AMPH: variants seen among roughly 807,000 people sequenced by gnomAD.
AMPH encodes the protein amphiphysin (Stiff-Mann syndrome with breast cancer 128kD autoantigen).
A neutral mutation model predicts 99.1 loss-of-function variants in AMPH; 49 were observed. The ratio of observed to expected loss-of-function variants is 0.49; its 90% CI spans 0.39 to 0.63. AMPH has a LOEUF of 0.63. Among genes scored for constraint, AMPH ranks in the 20% least tolerant of loss-of-function variants. The pLI is 0.00. For synonymous variants in AMPH, 314 were observed against 317.3 expected, an observed-to-expected ratio of 0.99 and a Z score of 0.11; for missense variants, 759 against 863.4, an observed-to-expected ratio of 0.88 and a Z score of 1.52.
intron 1 of AMPH, among the ~76,000 whole-genome samples, chr7:38,617,004 T>C (rs556703319): frequency 3.3e-5 from 5 of 152,366 alleles, no homozygotes; most frequent in South Asian, 2.1e-4. Flanking sequence ...TAGATGTAGA[T>C]ATAGATTTTG....
intron 1 of AMPH, among the ~76,000 whole-genome samples, chr7:38,615,848 C>A (rs1211813540): frequency 6.6e-6 from 1 of 152,176 alleles, no homozygotes; most frequent in African/African-American, 2.4e-5. Context: ...GGTTCTGTAG[C>A]AAGGGCTGGG....
intron 1 of AMPH, among the ~76,000 whole-genome samples, chr7:38,565,293 T>C (rs1452822557): frequency 6.6e-6 from 1 of 152,186 alleles, no homozygotes. Flanking sequence ...CTAAGAAGTG[T>C]GTATAATGGT....
At chr7:38,607,126 A>G (rs942494984) in intron 1 of AMPH, among the ~76,000 whole-genome samples, 1 of 152,166 alleles carries the variant, frequency 6.6e-6, no homozygotes, top group African/African-American at 2.4e-5. Flanking sequence ...ACAACCACCT[A>G]GCTTTGAGGG....
intron 14 of AMPH, chr7:38,427,817 G>T (rs1400255035): frequency 2.2e-6 from 1 of 444,724 alleles, no homozygotes; most frequent in Admixed American, 2.4e-5. Context: ...GCTAGTCTAT[G>T]CTACAGACCA....
chr7:38,422,584 A>G, intron 15 of AMPH, 107 bp from the exon 16 acceptor site: 3 of 781,444 alleles, frequency 3.8e-6, no homozygotes, highest in African/African-American at 1.8e-5. Flanking sequence ...CTATCTATCT[A>G]TCTATCTATC....
intron 1 of AMPH, among the ~76,000 whole-genome samples, chr7:38,566,390 G>T (rs1791744654): frequency 6.6e-6 from 1 of 151,828 alleles, no homozygotes; most frequent in African/African-American, 2.4e-5. Context: ...TTCTGCCTCA[G>T]CCTCCCAAGT....
At chr7:38,392,776 C>T (rs1784547964) in intron 18 of AMPH, 1 of 152,524 alleles carries the variant, frequency 6.6e-6, no homozygotes, top group South Asian at 2.1e-4. Flanking sequence ...CTCCCCCAGT[C>T]CCAGGAGGCC....
chr7:38,411,239 C>T (rs995737985), intron 17 of AMPH, among the ~76,000 whole-genome samples: 12 of 152,170 alleles, frequency 7.9e-5, no homozygotes, highest in Admixed American at 6.5e-5. Context: ...CATGACAATG[C>T]TACTGCTCCC....
At position 38,385,795 on chromosome 7, in the gene AMPH, T is replaced by A. The variant is rs182218236; in HGVS notation, c.1981-870A>T. 4.5e-3 allele frequency among the ~76,000 whole-genome samples: 680 copies of A among 152,300 alleles called. 5 individuals are homozygous for A. The highest frequency in any genetic ancestry group is 0.015 in the African/African-American group (637 of 41,564). ...GAGAAACAGAGGCTGTGGTCTGCCCTTGGCTTCCTGAAGTTAAGCAGAGTC... is the reference window on the plus strand; with the variant it reads ...GAGAAACAGAGGCTGTGGTCTGCCCATGGCTTCCTGAAGTTAAGCAGAGTC... On this transcript the variant is annotated intron_variant, in intron 20 of 20. Coordinates refer to ENST00000356264, the MANE Select transcript of AMPH (RefSeq NM_001635.4).
At chr7:38,486,606 T>C (rs1788505990) in intron 5 of AMPH, among the ~76,000 whole-genome samples, 1 of 151,882 alleles carries the variant, frequency 6.6e-6, no homozygotes, top group Admixed American at 6.6e-5. Flanking sequence ...GATATCAAAG[T>C]CAGACAAAGA....
At chr7:38,621,264 ATAAGTT>A (rs1164635282) in intron 1 of AMPH, among the ~76,000 whole-genome samples, 1 of 152,244 alleles carries the variant, frequency 6.6e-6, no homozygotes, top group Non-Finnish European at 1.5e-5. Flanking sequence ...TTTATCATAC[ATAAGTT>A]AAAATTACTA....
At chr7:38,403,855 C>G (rs1473178523) in intron 17 of AMPH, among the ~76,000 whole-genome samples, 1 of 152,234 alleles carries the variant, frequency 6.6e-6, no homozygotes, top group Non-Finnish European at 1.5e-5. Flanking sequence ...GGCAAGTGCA[C>G]TTGGAGAAAG....
At chr7:38,417,995 G>A (rs1785446637) in intron 16 of AMPH, 45 bp from the exon 17 acceptor site, 2 of 1,595,350 alleles carry the variant, frequency 1.3e-6, no homozygotes, top group Non-Finnish European at 1.7e-6. Context: ...GATTCAACAG[G>A]TAAATAGATA....
chr7:38,559,740 T>C (rs1791491548), intron 1 of AMPH, among the ~76,000 whole-genome samples: 1 of 152,354 alleles, frequency 6.6e-6, no homozygotes, highest in African/African-American at 2.4e-5. Context: ...ATTGGCCTAA[T>C]GTCGCATAAT....
At chr7:38,434,016 G>A (rs1254312255) in intron 12 of AMPH, among the ~76,000 whole-genome samples, 2 of 152,130 alleles carry the variant, frequency 1.3e-5, no homozygotes. Context: ...AGACCTAACA[G>A]TGCTATGCTT....
intron 11 of AMPH, among the ~76,000 whole-genome samples, chr7:38,449,519 G>C (rs1388555481): frequency 6.6e-6 from 1 of 152,176 alleles, no homozygotes; most frequent in Non-Finnish European, 1.5e-5. Context: ...AGCAGCTCTG[G>C]AGTCAGAACC....
At chr7:38,561,146 A>T (rs971126360) in intron 1 of AMPH, among the ~76,000 whole-genome samples, 4 of 152,228 alleles carry the variant, frequency 2.6e-5, no homozygotes, top group Non-Finnish European at 4.4e-5. Flanking sequence ...CAGGGAAGGC[A>T]TATGGCCACT....
In AMPH at chr7:38,602,137, C is replaced by T. The variant is rs372703095; in HGVS notation, c.69+29146G>A. 1.7e-4 allele frequency among the ~76,000 whole-genome samples: 26 copies of T among 152,336 alleles called. No individual in the cohort carries two copies. In the East Asian group the frequency reaches 4.3e-3, roughly 25 times the overall value. ...ATCTGAGGACAGCCCAGACACTCTA[C>T]AGCCCAACAGTGGGCAGCACCACAG... On this transcript the variant is annotated intron_variant, in intron 1 of 20. Coordinates refer to ENST00000356264, the MANE Select transcript of AMPH (RefSeq NM_001635.4).
intron 17 of AMPH, among the ~76,000 whole-genome samples, chr7:38,407,292 TAGAG>T (rs1326150305): frequency 1.7e-5 from 2 of 118,122 alleles, no homozygotes; most frequent in South Asian, 3.3e-4. Flanking sequence ...TCTATCTATA[TAGAG>T]AGAGAGAGAG....
Sources: allele counts gnomAD v4.1 joint callset (sites outside exome capture counted in the v4.1 genomes callset), GRCh38; gene constraint gnomAD v4.1.1; transcripts MANE v1.5; gene names NCBI Gene and HGNC (gene_info 2026-07-23, HGNC 2026-07-21).